FRMD4A: variants seen among roughly 807,000 people sequenced by gnomAD.
The protein encoded by FRMD4A is FERM domain-containing protein 4A.
Under a neutral mutation model 129.1 loss-of-function variants are expected in FRMD4A, and 29 were observed. That is an observed-to-expected ratio of 0.22 (90% CI 0.17 to 0.31). The LOEUF (loss-of-function observed/expected upper bound fraction) is 0.31. Ranked by LOEUF, FRMD4A falls within the 10% of genes least tolerant of loss-of-function variation. The probability of loss-of-function intolerance (pLI) is 1.00; values close to 1 mark genes in which losing one functional copy is unlikely to be tolerated. For missense variants in FRMD4A, 1,272 were observed against 1,375.8 expected (o/e 0.92, Z 1.19); for synonymous variants, 634 against 571.6 (o/e 1.11, Z -1.56).
chr10:14,053,942 G>A (rs772834920), intron 2 of FRMD4A, among the ~76,000 whole-genome samples: 1 of 152,138 alleles, frequency 6.6e-6, no homozygotes, highest in Non-Finnish European at 1.5e-5. Context: ...AGGAGCTCCA[G>A]GCTGCAGTGA....
intron 2 of FRMD4A, among the ~76,000 whole-genome samples, chr10:14,232,345 G>C (rs1344563677): frequency 6.6e-6 from 1 of 152,148 alleles, no homozygotes; most frequent in Non-Finnish European, 1.5e-5. Flanking sequence ...CTTCAGTATA[G>C]TTTGAAGTTG....
At chr10:13,693,348 G>T in intron 15 of FRMD4A, 1 of 250,888 alleles carries the variant, frequency 4.0e-6, no homozygotes, top group Non-Finnish European at 7.4e-6. Context: ...AAAATGACTT[G>T]GCCAAGGCTG....
At chr10:13,947,194 C>T (rs2095338263) in intron 2 of FRMD4A, among the ~76,000 whole-genome samples, 1 of 152,040 alleles carries the variant, frequency 6.6e-6, no homozygotes, top group African/African-American at 2.4e-5. Context: ...GTTTTGGGGA[C>T]AAGGAATAGA....
chr10:14,185,529 C>G (rs1015242096), intron 2 of FRMD4A, among the ~76,000 whole-genome samples: 5 of 152,106 alleles, frequency 3.3e-5, no homozygotes, highest in African/African-American at 1.2e-4. Flanking sequence ...TGTTGTAGAA[C>G]TATGGAAACT....
At chr10:14,082,739 C>T (rs1836002078) in intron 2 of FRMD4A, among the ~76,000 whole-genome samples, 1 of 152,126 alleles carries the variant, frequency 6.6e-6, no homozygotes, top group Non-Finnish European at 1.5e-5. Flanking sequence ...GCAGTCATCC[C>T]TCCCATGGCA....
At chr10:13,897,859 A>G (rs1325312781) in intron 2 of FRMD4A, among the ~76,000 whole-genome samples, 1 of 150,230 alleles carries the variant, frequency 6.7e-6, no homozygotes, top group Non-Finnish European at 1.5e-5. Context: ...AATTGCTTGA[A>G]CCTGGGAGGC....
intron 2 of FRMD4A, among the ~76,000 whole-genome samples, chr10:13,916,619 C>G (rs1029528613): frequency 6.6e-6 from 1 of 152,092 alleles, no homozygotes; most frequent in African/African-American, 2.4e-5. Flanking sequence ...CTGAGGTTCC[C>G]CAGTGTGTGG....
intron 12 of FRMD4A, among the ~76,000 whole-genome samples, chr10:13,733,556 G>A (rs1026333046): frequency 6.6e-6 from 1 of 152,168 alleles, no homozygotes; most frequent in Non-Finnish European, 1.5e-5. Context: ...CCGAGTAGCT[G>A]AGATTATAGG....
In FRMD4A at chr10:13,657,379, C is replaced by T. The variant is rs2082256665; in HGVS notation, c.2210G>A (p.Ser737Asn). The T allele has an allele frequency of 6.2e-7, 1 of 1,612,596 alleles. No individual in the cohort carries two copies. The highest frequency in any genetic ancestry group is 1.7e-5 in the Admixed American group (1 of 60,008). The change falls in exon 22 of 25, where the codon AGC (serine) becomes AAC (asparagine). Residue 737 changes from serine to asparagine, a missense_variant. By Grantham distance (46) the Ser-to-Asn change is conservative. This residue lies in a region of FRMD4A where 972 missense variants were observed against 892.3 expected (regional missense o/e 1.09). Transcript: ENST00000357447. ...GTCCATGGGGTCTGAGCCGTTGCTG[C>T]TACGAGTCCGCGGGGTGTAGAAGTC... is the stretch of plus-strand genomic sequence containing the variant. ...SPDFYTPRTR[S>N]SNGSDPMDDC...
chr10:14,195,087 C>T (rs1383895640), intron 2 of FRMD4A, among the ~76,000 whole-genome samples: 1 of 152,176 alleles, frequency 6.6e-6, no homozygotes, highest in Non-Finnish European at 1.5e-5. Flanking sequence ...TAGGCTCACA[C>T]AGAACAATAA....
rs1435584820 is a variant in FRMD4A at position 13,645,172 on chromosome 10, C to T, written c.*1866G>A. ...CATTTTAGTGTCCATCCTTACCCTT[C>T]TGGTCTGGTAGAGCCTATGGTTATT... On this transcript the variant is annotated 3_prime_UTR_variant, in exon 25 of 25. Transcript: ENST00000357447. 1 of 152,218 alleles carries T rather than the reference C, an allele frequency of 6.6e-6. No individual in the cohort carries two copies. The allele number at this position is 152,218 out of a possible 1,614,324, so 9.4% of individuals were successfully genotyped here.
At position 14,196,691 on chromosome 10, in the gene FRMD4A, A is replaced by G. The variant is rs1842481553; in HGVS notation, c.45+133367T>C. Among the ~76,000 whole-genome samples, 4 of 152,226 alleles carry G rather than the reference A, an allele frequency of 2.6e-5. 1 individual carries two copies. Among genetic ancestry groups the G allele is most frequent in the Admixed American group, 2.6e-4 (4 of 15,280 alleles). Reference sequence around the variant, plus strand: ...TGTACTTTACATTGTTTGGTGTTGGATTAGAAATGCCATTCTTAATGTAAA... The same window carrying G: ...TGTACTTTACATTGTTTGGTGTTGGGTTAGAAATGCCATTCTTAATGTAAA... On this transcript the variant is annotated intron_variant, in intron 2 of 24. Transcript: ENST00000357447.
intron 2 of FRMD4A, among the ~76,000 whole-genome samples, chr10:13,934,190 G>A (rs2095229017): frequency 6.6e-6 from 1 of 152,216 alleles, no homozygotes; most frequent in African/African-American, 2.4e-5. Flanking sequence ...ACAAGAAAGT[G>A]CTTTGTTTTA....
At chr10:13,857,683 T>C (rs1298358108) in intron 3 of FRMD4A, among the ~76,000 whole-genome samples, 2 of 152,184 alleles carry the variant, frequency 1.3e-5, no homozygotes, top group Non-Finnish European at 1.5e-5. Flanking sequence ...CATGAGCAGA[T>C]GGCATCCTCT....
intron 15 of FRMD4A, chr10:13,685,255 C>A (rs865999073): frequency 7.1e-6 from 7 of 985,152 alleles, no homozygotes; most frequent in Middle Eastern, 5.2e-4. Context: ...GAAAACCAAG[C>A]ACCTTTTGAT....
At chr10:14,016,590 A>G (rs1015050647) in intron 2 of FRMD4A, among the ~76,000 whole-genome samples, 1 of 152,164 alleles carries the variant, frequency 6.6e-6, no homozygotes, top group Non-Finnish European at 1.5e-5. Flanking sequence ...CTTCTTCTTG[A>G]ACCTTTGAGA....
At chr10:13,929,633 CT>C (rs1252852304) in intron 2 of FRMD4A, among the ~76,000 whole-genome samples, 7 of 152,194 alleles carry the variant, frequency 4.6e-5, no homozygotes, top group African/African-American at 1.7e-4. Context: ...GGGAACAGCA[CT>C]CCCCAAAGCT....
At chr10:13,872,015 G>A (rs1380724202) in intron 2 of FRMD4A, among the ~76,000 whole-genome samples, 3 of 152,256 alleles carry the variant, frequency 2.0e-5, no homozygotes, top group Non-Finnish European at 2.9e-5. Context: ...GCCTCCTTCC[G>A]TAATCTATAA....
chr10:14,324,297 T>C (rs1843177478), intron 2 of FRMD4A, among the ~76,000 whole-genome samples: 1 of 152,206 alleles, frequency 6.6e-6, no homozygotes, highest in East Asian at 1.9e-4. Context: ...AGATACCCAT[T>C]GGGAAATTTT....
Sources: allele counts gnomAD v4.1 joint callset (sites outside exome capture counted in the v4.1 genomes callset), GRCh38; gene constraint gnomAD v4.1.1; regional missense constraint gnomAD v4.1.1; transcripts MANE v1.5; gene names NCBI Gene and HGNC (gene_info 2026-07-23, HGNC 2026-07-21).